The following AARS1 variants were observed in gnomAD, a reference collection of about 807,000 sequenced individuals.
AARS1 encodes alanine--tRNA ligase, cytoplasmic.
A neutral mutation model predicts 108.9 loss-of-function variants in AARS1; 72 were observed. The observed-to-expected ratio is 0.66, with a 90% confidence interval of 0.55 to 0.80. The LOEUF (loss-of-function observed/expected upper bound fraction) is 0.80. Ranked by LOEUF, AARS1 falls within the 30% of genes least tolerant of loss-of-function variation. The pLI is 0.00. For synonymous variants in AARS1, 489 were observed against 465.7 expected (o/e 1.05, Z -0.64); for missense variants, 1,193 against 1,233.2 (o/e 0.97, Z 0.49).
rs930469447 is a variant in AARS1, at chr16:70,261,212, T to G, written c.1672-55A>C. Reference sequence around the variant, plus strand: ...ATAAATCCTTAAAAACATACAAATTTTCTTATATTTTCAATATAAACTCGT... The same window carrying G: ...ATAAATCCTTAAAAACATACAAATTGTCTTATATTTTCAATATAAACTCGT... On this transcript the variant is annotated intron_variant, in intron 12 of 20. Coordinates refer to ENST00000261772, the MANE Select transcript of AARS1 (RefSeq NM_001605.3). 2.2e-6 allele frequency: 3 copies of G among 1,352,240 alleles called. No homozygotes were observed. In the African/African-American group the frequency reaches 4.3e-5, roughly 20 times the overall value. The allele number at this position is 1,352,240 out of a possible 1,614,324, so 83.8% of individuals were successfully genotyped here.
chr16:70,272,506 C>CAAAA lies in AARS1; in HGVS notation c.480-538_480-535dup, dbSNP rs34129241. On this transcript the variant is annotated intron_variant, in intron 4 of 20. Coordinates refer to ENST00000261772, the MANE Select transcript of AARS1 (RefSeq NM_001605.3). The stretch of plus-strand genomic sequence containing the variant: ...GGGCAACGAGAGCAAAACTCCATCT[C>CAAAA]AAAAAAAAAAAAAAAAAAAAAAAAA... Among the ~76,000 whole-genome samples, 6 of 17,022 alleles carry CAAAA rather than the reference C, an allele frequency of 3.5e-4. No individual in the cohort carries two copies. In the East Asian group the frequency reaches 7.2e-3, roughly 20 times the overall value. The allele number at this position is 17,022 out of a possible 152,430, so 11.2% of individuals were successfully genotyped here.
At chr16:70,269,460 G>A (rs1316656602) in intron 7 of AARS1, among the ~76,000 whole-genome samples, 158 bp downstream of exon 7, 1 of 151,280 alleles carries the variant, frequency 6.6e-6, no homozygotes. Context: ...CTTGAACCCA[G>A]CAGGCAGAGG....
At chr16:70,275,020 G>A (rs1266525348) in intron 4 of AARS1, among the ~76,000 whole-genome samples, 2 of 152,112 alleles carry the variant, frequency 1.3e-5, no homozygotes, top group African/African-American at 2.4e-5. Flanking sequence ...AGCACTTTGG[G>A]AGGCCAAAGC....
Position 70,259,144 on chromosome 16 carries a change from T to G in AARS1, c.1828A>C (p.Ile610Leu). Reference sequence around the variant, plus strand: ...ACTGAGCGCAGGGCGAAGTTCAGAATGTGCGTAGCTGTGTGGTTGCTCATG... The same window carrying G: ...ACTGAGCGCAGGGCGAAGTTCAGAAGGTGCGTAGCTGTGTGGTTGCTCATG... ...PIMSNHTATH[I>L]LNFALRSVLG... Residue 610 changes from isoleucine to leucine, a missense_variant, in exon 14 of 21, where the codon ATT becomes CTT. Ile to Leu is a conservative substitution (Grantham distance 5). Transcript: ENST00000261772. 6.2e-7 allele frequency: 1 copy of G among 1,614,158 alleles called. No individual in the cohort carries two copies. The highest frequency in any genetic ancestry group is 8.5e-7 in the Non-Finnish European group (1 of 1,180,032).
intron 2 of AARS1, among the ~76,000 whole-genome samples, chr16:70,280,495 A>T (rs898537577): frequency 1.3e-5 from 2 of 152,198 alleles, no homozygotes; most frequent in South Asian, 4.1e-4. Context: ...AGTTAATATT[A>T]TAAGAGGCAG....
chr16:70,264,195 G>A (rs1231782061), intron 11 of AARS1, among the ~76,000 whole-genome samples: 4 of 150,056 alleles, frequency 2.7e-5, no homozygotes, highest in Admixed American at 1.3e-4. Flanking sequence ...GCAGTGAGCC[G>A]AGATCACACT....
At chr16:70,263,063 C>A (rs961544931) in intron 11 of AARS1, among the ~76,000 whole-genome samples, 2 of 149,092 alleles carry the variant, frequency 1.3e-5, no homozygotes, top group Admixed American at 6.8e-5. Context: ...TGTCGGGTGA[C>A]CAACTGTCCC....
At chr16:70,284,016 A>G (rs1358713648) in intron 1 of AARS1, among the ~76,000 whole-genome samples, 1 of 151,412 alleles carries the variant, frequency 6.6e-6, no homozygotes, top group Non-Finnish European at 1.5e-5. Flanking sequence ...GTTTGAGACC[A>G]CCCTGGGCAA....
At chr16:70,288,930 C>T (rs867136404) in intron 1 of AARS1, among the ~76,000 whole-genome samples, 10 of 152,098 alleles carry the variant, frequency 6.6e-5, no homozygotes, top group Admixed American at 1.3e-4. Context: ...ATTTCGTGAT[C>T]AGGTATACTA....
chr16:70,261,142 C>A lies in AARS1; in HGVS notation c.1687G>T (p.Val563Leu). ...CCTCCTCGGACCTGAGCATTCTTCA[C>A]TGTAAACTCTGTTTTCTAAGAGGGG... ...DSSEDKTEFT[V>L]KNAQVRGGYV... The change falls in exon 13 of 21, where the codon GTG (valine) becomes TTG (leucine). Residue 563 changes from valine (V) to leucine (L), a missense_variant. Physicochemically the swap from Val to Leu is conservative, Grantham distance 32 (BLOSUM62 1). Transcript: ENST00000261772. 6.2e-7 allele frequency: 1 copy of A among 1,613,266 alleles called. No homozygotes were observed. The highest frequency in any genetic ancestry group is 8.5e-7 in the Non-Finnish European group (1 of 1,179,386).
intron 11 of AARS1, among the ~76,000 whole-genome samples, chr16:70,264,627 T>A (rs139541341): frequency 9.6e-4 from 146 of 152,222 alleles, no homozygotes; most frequent in African/African-American, 3.4e-3. Context: ...CCTAATAGCA[T>A]TCTGATAGTC....
chr16:70,273,545 C>G (rs770737618), intron 4 of AARS1, among the ~76,000 whole-genome samples: 3 of 152,038 alleles, frequency 2.0e-5, no homozygotes, highest in Non-Finnish European at 2.9e-5. Flanking sequence ...TAGCAAAACC[C>G]TGTCCCTACA....
chr16:70,269,342 A>C (rs1269103228), intron 7 of AARS1, among the ~76,000 whole-genome samples: 1 of 142,782 alleles, frequency 7.0e-6, no homozygotes, highest in South Asian at 2.2e-4. Context: ...AAAAAAAAAA[A>C]AAAAAAAAAA....
Position 70,267,762 on chromosome 16 carries a change from G to A in AARS1, c.1119C>T (p.Asp373=), listed in dbSNP as rs151142503. 5 of 1,614,046 alleles carry A rather than the reference G, an allele frequency of 3.1e-6. No individual in the cohort carries two copies. Among genetic ancestry groups the A allele is most frequent in the Non-Finnish European group, 4.2e-6 (5 of 1,180,040 alleles). The change falls in exon 9 of 21, where the codon GAC becomes GAT. Residue 373 remains aspartate (D), a synonymous_variant. Transcript: ENST00000261772. ...ACTGCACCTCTTCTTCATTAATGAT[G>A]TCCTTCACCATGTCTGGGTCCTTCT... ...ELKKDPDMVK[D]IINEEEVQFL...
At chr16:70,264,831 G>A (rs1960225575) in intron 11 of AARS1, 127 bp downstream of exon 11, 1 of 1,177,870 alleles carries the variant, frequency 8.5e-7, no homozygotes, top group East Asian at 2.5e-5. Context: ...TGCATAGCGT[G>A]ACTGTACGGC....
chr16:70,264,549 T>C (rs150529976), intron 11 of AARS1, among the ~76,000 whole-genome samples: 6 of 152,156 alleles, frequency 3.9e-5, no homozygotes, highest in Non-Finnish European at 5.9e-5. Flanking sequence ...ACTCCTGACC[T>C]TAGGTGATCC....
rs1273011840 is a variant in AARS1 at position 70,262,454 on chromosome 16, T to C, written c.1563A>G (p.Thr521=). 4 of 1,614,150 alleles carry C rather than the reference T, an allele frequency of 2.5e-6. No individual in the cohort carries two copies. Among genetic ancestry groups the C allele is most frequent in the East Asian group, 2.2e-5 (1 of 44,872 alleles). ...REKMFVEEVS[T]GQECGVVLDK... The stretch of plus-strand genomic sequence containing the variant: ...CCAGCACCACTCCACACTCCTGGCC[T>C]GTGGACACCTCTTCCACGAACATCT... The change falls in exon 12 of 21, where the codon ACA becomes ACG. Residue 521 remains threonine, a synonymous_variant. Coordinates refer to ENST00000261772, the MANE Select transcript of AARS1 (RefSeq NM_001605.3).
chr16:70,259,926 C>T (rs1435672555), intron 13 of AARS1, among the ~76,000 whole-genome samples: 1 of 152,132 alleles, frequency 6.6e-6, no homozygotes, highest in African/African-American at 2.4e-5. Flanking sequence ...GCATGCACCA[C>T]CACACCCGGC....
intron 4 of AARS1, among the ~76,000 whole-genome samples, chr16:70,275,701 T>C (rs1386720220): frequency 3.3e-5 from 5 of 151,632 alleles, no homozygotes; most frequent in South Asian, 4.2e-4. Flanking sequence ...AGGCGGAGCT[T>C]GCAGTGAGCT....
Sources: allele counts gnomAD v4.1 joint callset (sites outside exome capture counted in the v4.1 genomes callset), GRCh38; gene constraint gnomAD v4.1.1; transcripts MANE v1.5; gene names NCBI Gene and HGNC (gene_info 2026-07-23, HGNC 2026-07-21).